The following ZNF875 variants were observed in gnomAD, a reference collection of about 807,000 sequenced individuals.
ZNF875 encodes the protein HKR1, GLI-Kruppel zinc finger family member.
ZNF875 carries 14 observed loss-of-function variants against 11.2 expected under a neutral mutation model. The ratio of observed to expected loss-of-function variants is 1.26; its 90% CI spans 0.83 to 1.96. The LOEUF (loss-of-function observed/expected upper bound fraction) is 1.96. Among genes scored for constraint, ZNF875 ranks in the 30% most tolerant of loss-of-function variants. The probability of loss-of-function intolerance (pLI) is 0.00; values close to 1 mark genes in which losing one functional copy is unlikely to be tolerated. For missense variants in ZNF875, 752 were observed against 760.4 expected (o/e 0.99, Z 0.13); for synonymous variants, 301 against 281.1 (o/e 1.07, Z -0.71).
At chr19:37,357,855 A>T in intron 4 of ZNF875, 1 of 397,230 alleles carries the variant, frequency 2.5e-6, no homozygotes, top group Non-Finnish European at 4.4e-6. Context: ...TCCTATTTGG[A>T]TGCCTTTTAT....
chr19:37,337,198 T>C (rs572286457), intron 2 of ZNF875: 1 of 152,190 alleles, frequency 6.6e-6, no homozygotes, highest in Non-Finnish European at 1.5e-5. Context: ...TCCTTTATAC[T>C]GAGGTTGAAA....
chr19:37,329,485 G>A (rs1375585203), intron 4 of ZNF875, among the ~76,000 whole-genome samples: 5 of 152,202 alleles, frequency 3.3e-5, no homozygotes, highest in East Asian at 1.9e-4. Context: ...TTATCTCCTC[G>A]TTGACTTCAC....
chr19:37,339,471 A>T (rs1010221935), intron 2 of ZNF875, among the ~76,000 whole-genome samples: 1 of 151,680 alleles, frequency 6.6e-6, no homozygotes. Flanking sequence ...CATACAAAAT[A>T]TGACAAGGTG....
At chr19:37,337,458 GTTC>G (rs994077369) in intron 2 of ZNF875, 3 of 152,108 alleles carry the variant, frequency 2.0e-5, no homozygotes, top group African/African-American at 4.8e-5. Context: ...AAGGGGAAGC[GTTC>G]TTCTTTTTTT....
chr19:37,316,548 T>A (rs2030204345), upstream of ZNF875, among the ~76,000 whole-genome samples: 1 of 151,950 alleles, frequency 6.6e-6, no homozygotes, highest in South Asian at 2.1e-4. Context: ...TTTTGTTTTT[T>A]TAGTAGAGAC....
chr19:37,330,260 TG>T (rs2033169399), upstream of ZNF875, among the ~76,000 whole-genome samples: 1 of 152,218 alleles, frequency 6.6e-6, no homozygotes, highest in East Asian at 1.9e-4. Flanking sequence ...TGACTTTTTT[TG>T]GTGATGAGAA....
At chr19:37,340,047 A>G (rs2035360142) in intron 2 of ZNF875, among the ~76,000 whole-genome samples, 1 of 151,514 alleles carries the variant, frequency 6.6e-6, no homozygotes, top group South Asian at 2.1e-4. Flanking sequence ...CAATGGCATG[A>G]TCTCAGCTCA....
chr19:37,331,765 T>C, upstream of ZNF875, among the ~76,000 whole-genome samples: 1 of 142,778 alleles, frequency 7.0e-6, no homozygotes. Context: ...AAAGATGGCC[T>C]CGTGGGAAGG....
At chr19:37,321,667 CA>C (rs1049211487) in intron 1 of ZNF875, among the ~76,000 whole-genome samples, 17 of 152,148 alleles carry the variant, frequency 1.1e-4, no homozygotes, top group African/African-American at 4.1e-4. Flanking sequence ...TGTGGAGGGG[CA>C]GGCCATCCCT....
intron 3 of ZNF875, among the ~76,000 whole-genome samples, chr19:37,323,985 T>G (rs1345907618): frequency 6.6e-6 from 1 of 152,172 alleles, no homozygotes; most frequent in African/African-American, 2.4e-5. Flanking sequence ...CGCTTGATGG[T>G]TTGGTGGTGA....
chr19:37,313,541 C>A (rs538774485), upstream of ZNF875, among the ~76,000 whole-genome samples: 2 of 152,162 alleles, frequency 1.3e-5, no homozygotes, highest in Admixed American at 1.3e-4. Context: ...ACCCTACATA[C>A]CTACAATCAT....
chr19:37,342,149 C>T (rs1391078348), intron 2 of ZNF875, among the ~76,000 whole-genome samples: 2 of 152,190 alleles, frequency 1.3e-5, no homozygotes, highest in African/African-American at 4.8e-5. Context: ...CTCCACTAGG[C>T]ATCCCCTTAA....
intron 3 of ZNF875, among the ~76,000 whole-genome samples, chr19:37,323,911 C>T (rs1460650473): frequency 6.6e-6 from 1 of 152,164 alleles, no homozygotes; most frequent in Non-Finnish European, 1.5e-5. Context: ...TGCAGGGCCC[C>T]AGTGGGTAAG....
At chr19:37,313,828 C>G (rs185503175), upstream of ZNF875, among the ~76,000 whole-genome samples, 1 of 151,950 alleles carries the variant, frequency 6.6e-6, no homozygotes, top group East Asian at 1.9e-4. Flanking sequence ...TTTTCAATGC[C>G]TTTTCATTTT....
Position 37,347,800 on chromosome 19 carries a change from C to T in ZNF875, c.184C>T (p.Leu62Phe), listed in dbSNP as rs1281003152. 1 of 1,613,246 alleles carries T rather than the reference C, an allele frequency of 6.2e-7. No homozygotes were observed. The highest frequency in any genetic ancestry group is 8.5e-7 in the Non-Finnish European group (1 of 1,179,204). Residue 62 changes from leucine (L) to phenylalanine (F), a missense_variant, in exon 4 of 5, where the codon CTC becomes TTC. Transcript: ENST00000392153. ...SLEIPSSKPK[L>F]IAQLERGEAP... ...AGAAATTCCATCTTCTAAACCAAAACTCATTGCTCAGCTGGAGCGAGGGGA... is the reference window on the plus strand; with the variant it reads ...AGAAATTCCATCTTCTAAACCAAAATTCATTGCTCAGCTGGAGCGAGGGGA...
At chr19:37,353,227 T>TTG (rs771787925) in intron 4 of ZNF875, among the ~76,000 whole-genome samples, 1 of 152,224 alleles carries the variant, frequency 6.6e-6, no homozygotes, top group Admixed American at 6.5e-5. Flanking sequence ...TGTATCTGCC[T>TTG]TGTGTGTGTT....
At chr19:37,358,366 A>C (rs1003364275) in intron 4 of ZNF875, among the ~76,000 whole-genome samples, 224 of 150,728 alleles carry the variant, frequency 1.5e-3, no homozygotes, top group Middle Eastern at 3.4e-3. Flanking sequence ...CAATCTCCTG[A>C]CCTCGTGATC....
intron 1 of ZNF875, among the ~76,000 whole-genome samples, chr19:37,321,868 A>G (rs1242307348): frequency 1.3e-5 from 2 of 152,172 alleles, no homozygotes; most frequent in Non-Finnish European, 2.9e-5. Flanking sequence ...CCACAGCAAC[A>G]TGCCTATTAA....
chr19:37,318,173 T>A, exon 1 of ZNF875: 1 of 153,736 alleles, frequency 6.5e-6, no homozygotes, highest in South Asian at 1.8e-4. Flanking sequence ...ACACGTATTG[T>A]CTCAAGATTA....
Sources: allele counts gnomAD v4.1 joint callset (sites outside exome capture counted in the v4.1 genomes callset), GRCh38; gene constraint gnomAD v4.1.1; transcripts MANE v1.5; gene names NCBI Gene and HGNC (gene_info 2026-07-23, HGNC 2026-07-21).